CSMD1: variants seen among roughly 807,000 people sequenced by gnomAD.
The protein encoded by CSMD1 is CUB and Sushi multiple domains 1, also known as CUB and sushi domain-containing protein 1.
Under a neutral mutation model 417.5 loss-of-function variants are expected in CSMD1, and 213 were observed. That is an observed-to-expected ratio of 0.51 (90% CI 0.46 to 0.57). The LOEUF is 0.57. CSMD1 is among the 20% of genes least tolerant of loss of function. CSMD1 has a pLI of 0.00. For synonymous variants in CSMD1, 2,862 were observed against 1,736.8 expected (o/e 1.65, Z -16.11); for missense variants, 6,923 against 4,529.7 (o/e 1.53, Z -15.17).
chr8:3,308,243 C>T, intron 24 of CSMD1, 69 bp downstream of exon 24: 1 of 1,211,038 alleles, frequency 8.3e-7, no homozygotes, highest in Non-Finnish European at 1.2e-6. Flanking sequence ...TAAAGGAAGT[C>T]AATGCAACAT....
intron 1 of CSMD1, among the ~76,000 whole-genome samples, chr8:4,730,989 A>G (rs762109061): frequency 3.9e-5 from 6 of 151,964 alleles, no homozygotes; most frequent in Non-Finnish European, 8.8e-5. Context: ...AAGGCTTGGG[A>G]GTTCTATGTC....
intron 3 of CSMD1, among the ~76,000 whole-genome samples, chr8:4,114,040 A>C (rs1309997919): frequency 6.6e-6 from 1 of 152,194 alleles, no homozygotes; most frequent in Non-Finnish European, 1.5e-5. Context: ...TCATTGATGA[A>C]GACGGCTACA....
In CSMD1 at chr8:3,346,220, T is replaced by C. The variant is rs564491275; in HGVS notation, c.3474+1772A>G. ...AGAAGCACGTTTTTTTAAAAACAAC[T>C]TTTTGTTATAATCAACTTTAAACAG... is the stretch of plus-strand genomic sequence containing the variant. On this transcript the variant is annotated intron_variant, in intron 22 of 69. Transcript: ENST00000635120. Among the ~76,000 whole-genome samples, 5 of 152,336 alleles carry C rather than the reference T, an allele frequency of 3.3e-5. No homozygotes were observed. The South Asian group carries it at 1.0e-3, about 32-fold the overall frequency.
intron 5 of CSMD1, among the ~76,000 whole-genome samples, chr8:3,849,854 C>T (rs112751354): frequency 0.019 from 2,840 of 152,216 alleles, 95 homozygotes; most frequent in African/African-American, 0.065. Flanking sequence ...CTCGCTCTGT[C>T]GCCCAGGCTG....
At position 3,628,194 on chromosome 8, in the gene CSMD1, C is replaced by T. The variant is rs191558626; in HGVS notation, c.1010-11397G>A. On this transcript the variant is annotated intron_variant, in intron 7 of 69. Coordinates refer to ENST00000635120, the MANE Select transcript of CSMD1 (RefSeq NM_033225.6). ...CTGAATCTCTACCATTGTAACAACG[C>T]GGTTGTATTTTTATTTTTAAAATTT... Among the ~76,000 whole-genome samples the T allele has an allele frequency of 7.2e-5, 11 of 152,182 alleles. No individual in the cohort carries two copies. The East Asian group carries it at 2.1e-3, about 29-fold the overall frequency.
intron 3 of CSMD1, among the ~76,000 whole-genome samples, chr8:4,130,610 G>C (rs1048487718): frequency 1.3e-5 from 2 of 152,022 alleles, no homozygotes; most frequent in Non-Finnish European, 2.9e-5. Context: ...TTACGCTCTT[G>C]TCTTCTACCA....
intron 5 of CSMD1, among the ~76,000 whole-genome samples, chr8:3,966,880 G>A (rs997337248): frequency 3.9e-5 from 6 of 152,204 alleles, no homozygotes; most frequent in African/African-American, 1.2e-4. Context: ...CACACTGGAT[G>A]TATCAGATTT....
At chr8:4,360,160 C>T (rs997805810) in intron 3 of CSMD1, among the ~76,000 whole-genome samples, 7 of 152,152 alleles carry the variant, frequency 4.6e-5, no homozygotes, top group Non-Finnish European at 1.0e-4. Flanking sequence ...GGATGAACTA[C>T]ACGTGAGAGT....
chr8:4,124,377 A>C (rs566570882), intron 3 of CSMD1, among the ~76,000 whole-genome samples: 17 of 149,926 alleles, frequency 1.1e-4, no homozygotes, highest in Admixed American at 2.0e-4. Context: ...TTTCTTCTCC[A>C]TATCAAAAAG....
chr8:3,743,779 G>T (rs1357446541), intron 6 of CSMD1, among the ~76,000 whole-genome samples: 1 of 152,164 alleles, frequency 6.6e-6, no homozygotes, highest in Non-Finnish European at 1.5e-5. Context: ...AAATTGATAA[G>T]TTTATCTTTA....
intron 23 of CSMD1, among the ~76,000 whole-genome samples, chr8:3,318,849 C>T (rs1805958940): frequency 6.6e-6 from 1 of 152,086 alleles, no homozygotes; most frequent in Non-Finnish European, 1.5e-5. Flanking sequence ...CAAAGGAGCC[C>T]CCTGTGCTTT....
chr8:4,166,606 G>C (rs895306589), intron 3 of CSMD1, among the ~76,000 whole-genome samples: 15 of 152,152 alleles, frequency 9.9e-5, no homozygotes, highest in Non-Finnish European at 1.9e-4. Context: ...GACTCACGGT[G>C]AACTGTAGGA....
At chr8:4,401,480 C>T (rs1299169065) in intron 3 of CSMD1, among the ~76,000 whole-genome samples, 1 of 152,056 alleles carries the variant, frequency 6.6e-6, no homozygotes, top group Non-Finnish European at 1.5e-5. Context: ...CCAAGCAGCA[C>T]CATCCCCTCA....
chr8:3,010,535 C>T (rs189884148), intron 52 of CSMD1, among the ~76,000 whole-genome samples: 259 of 152,146 alleles, frequency 1.7e-3, no homozygotes, highest in African/African-American at 5.7e-3. Context: ...TTCCTTGGGC[C>T]GCACTCCGCA....
chr8:3,265,575 C>CA (rs1339305587), intron 26 of CSMD1, among the ~76,000 whole-genome samples: 2 of 152,056 alleles, frequency 1.3e-5, no homozygotes, highest in Non-Finnish European at 2.9e-5. Flanking sequence ...TTTGAAGGCT[C>CA]AAAAACAGCA....
At chr8:4,823,493 G>T (rs1468218451) in intron 1 of CSMD1, among the ~76,000 whole-genome samples, 1 of 151,928 alleles carries the variant, frequency 6.6e-6, no homozygotes, top group African/African-American at 2.4e-5. Context: ...ATAGAATAAT[G>T]CATATAAACT....
intron 7 of CSMD1, among the ~76,000 whole-genome samples, chr8:3,680,874 C>T (rs986850437): frequency 6.6e-6 from 1 of 152,186 alleles, no homozygotes; most frequent in African/African-American, 2.4e-5. Context: ...GGATGCAAGG[C>T]TGGTTCAATA....
At chr8:4,520,084 T>C (rs545442798) in intron 2 of CSMD1, among the ~76,000 whole-genome samples, 93 of 152,284 alleles carry the variant, frequency 6.1e-4, no homozygotes, top group African/African-American at 2.0e-3. Context: ...TTTTACAGTA[T>C]TGCATTTAGT....
chr8:3,580,557 T>G (rs13249863), intron 9 of CSMD1, among the ~76,000 whole-genome samples: 62,200 of 152,016 alleles, frequency 0.41, 13,031 homozygotes, highest in Middle Eastern at 0.47. Context: ...TACAAAACTA[T>G]ATTATTGCCA....
Sources: allele counts gnomAD v4.1 joint callset (sites outside exome capture counted in the v4.1 genomes callset), GRCh38; gene constraint gnomAD v4.1.1; transcripts MANE v1.5; gene names NCBI Gene and HGNC (gene_info 2026-07-23, HGNC 2026-07-21).